SEMA4D: variants seen among roughly 807,000 people sequenced by gnomAD.
The protein encoded by SEMA4D is semaphorin 4D.
Under a neutral mutation model 74.8 loss-of-function variants are expected in SEMA4D, and 22 were observed. That is an observed-to-expected ratio of 0.29 (90% CI 0.21 to 0.42). SEMA4D has a LOEUF of 0.42. SEMA4D is among the 10% of genes least tolerant of loss of function. SEMA4D has a pLI of 1.00. For synonymous variants in SEMA4D, 445 were observed against 463.7 expected (o/e 0.96, Z 0.52); for missense variants, 937 against 1,118.4 (o/e 0.84, Z 2.31).
At position 89,384,720 on chromosome 9, in the gene SEMA4D, C is replaced by T. The variant is rs113835414; in HGVS notation, c.1446+1647G>A. 8.7e-3 allele frequency: 8,607 copies of T among 985,428 alleles called. 62 individuals carry two copies. Among genetic ancestry groups the T allele is most frequent in the South Asian group, 0.028 (603 of 21,286 alleles). The allele number at this position is 985,428 out of a possible 1,614,324, so 61.0% of individuals were successfully genotyped here. ...AGAGGAGGTGAGGGTGGAGGCACAG[C>T]GCACCTCCCCAGCTGTAGGACAGGG... is the stretch of plus-strand genomic sequence containing the variant. On this transcript the variant is annotated intron_variant, in intron 13 of 15. Coordinates refer to ENST00000422704, the MANE Select transcript of SEMA4D (RefSeq NM_001371194.2).
Position 89,379,247 on chromosome 9 carries a change from G to A in SEMA4D, c.2046C>T (p.Pro682=). Reference sequence around the variant, plus strand: ...AGGTGGCCTGCACGGCTGGGGTTGGGGGAGAAGACCCTTGGGTGGATGCCA... The same window carrying A: ...AGGTGGCCTGCACGGCTGGGGTTGGAGGAGAAGACCCTTGGGTGGATGCCA... ...VLVASTQGSS[P]PTPAVQATSS... Residue 682 remains proline, a synonymous_variant, in exon 16 of 16, where the codon CCC becomes CCT. Coordinates refer to ENST00000422704, the MANE Select transcript of SEMA4D (RefSeq NM_001371194.2). The A allele has an allele frequency of 1.2e-6, 2 of 1,614,094 alleles. 1 individual carries two copies. Among genetic ancestry groups the A allele is most frequent in the South Asian group, 2.2e-5 (2 of 91,072 alleles).
rs976250681 is a variant in SEMA4D at position 89,385,959 on chromosome 9, C to T, written c.1446+408G>A. ...GGTGGAGACAGCTTTACAGATGAGA[C>T]GAACCACTTCTCTTGTGGATTTTCC... On this transcript the variant is annotated intron_variant, in intron 13 of 15. Transcript: ENST00000422704. 27 of 977,830 alleles carry T rather than the reference C, an allele frequency of 2.8e-5. No individual in the cohort carries two copies. The Admixed American group carries it at 4.1e-4, about 15-fold the overall frequency. 60.6% of individuals were successfully genotyped at this position (977,830 alleles called of 1,614,324 possible).
chr9:89,482,854 G>A (rs1270303865), intron 1 of SEMA4D, among the ~76,000 whole-genome samples: 2 of 152,156 alleles, frequency 1.3e-5, no homozygotes, highest in African/African-American at 2.4e-5. Flanking sequence ...CATTTCCACC[G>A]CGAGACATCT....
chr9:89,480,627 G>T (rs1035979698), intron 1 of SEMA4D, among the ~76,000 whole-genome samples: 1 of 152,214 alleles, frequency 6.6e-6, no homozygotes, highest in Non-Finnish European at 1.5e-5. Flanking sequence ...CACTGCTGGG[G>T]GACTCAGTAC....
intron 1 of SEMA4D, among the ~76,000 whole-genome samples, chr9:89,495,704 G>C (rs964991779): frequency 6.6e-6 from 1 of 152,110 alleles, no homozygotes; most frequent in East Asian, 1.9e-4. Context: ...ATATTTTCAC[G>C]TGGCAAGTTT....
chr9:89,363,401 CCTTT>C (rs762557165), intron 18 of SEMA4D: 20 of 1,607,614 alleles, frequency 1.2e-5, no homozygotes, highest in South Asian at 1.1e-4. Flanking sequence ...CTCCAGCCCT[CCTTT>C]CTTTGCCCGG....
chr9:89,407,552 T>C (rs1843578667), intron 2 of SEMA4D, among the ~76,000 whole-genome samples: 1 of 152,188 alleles, frequency 6.6e-6, no homozygotes, highest in South Asian at 2.1e-4. Context: ...ACAACCTCCC[T>C]CCAGTCCACT....
intron 1 of SEMA4D, among the ~76,000 whole-genome samples, chr9:89,466,115 C>T (rs1660715286): frequency 6.6e-6 from 1 of 152,090 alleles, no homozygotes. Context: ...ACAGGGTGCA[C>T]GCCAGGCAGT....
At chr9:89,400,557 A>G (rs1389725154) in intron 4 of SEMA4D, among the ~76,000 whole-genome samples, 1 of 152,216 alleles carries the variant, frequency 6.6e-6, no homozygotes, top group Non-Finnish European at 1.5e-5. Context: ...CCCAGGCTGC[A>G]GACACAGTAC....
downstream of SEMA4D, among the ~76,000 whole-genome samples, chr9:89,376,211 C>T (rs553035096): frequency 2.6e-5 from 4 of 152,308 alleles, no homozygotes; most frequent in African/African-American, 4.8e-5. Context: ...CCAAATACCA[C>T]GTATATCAAC....
intron 2 of SEMA4D, chr9:89,418,198 G>T: frequency 2.6e-6 from 2 of 766,018 alleles, no homozygotes; most frequent in Non-Finnish European, 3.2e-6. Flanking sequence ...TCCTAGAAAG[G>T]CACTGAAAAC....
chr9:89,418,582 T>C (rs1263879906), intron 2 of SEMA4D: 2 of 254,964 alleles, frequency 7.8e-6, no homozygotes, highest in African/African-American at 4.6e-5. Context: ...TCTTCCTTTA[T>C]TTTTGGATGG....
chr9:89,438,740 A>G (rs1197276506), intron 2 of SEMA4D, among the ~76,000 whole-genome samples: 2 of 151,326 alleles, frequency 1.3e-5, no homozygotes, highest in African/African-American at 4.9e-5. Flanking sequence ...ATCTCGGCTC[A>G]CTGCAAGCTC....
intron 1 of SEMA4D, among the ~76,000 whole-genome samples, chr9:89,485,683 G>A (rs1588190042): frequency 6.6e-6 from 1 of 151,276 alleles, no homozygotes; most frequent in Non-Finnish European, 1.5e-5. Flanking sequence ...AGCTACTTGG[G>A]AGGCTGAGGC....
rs1213060021 is a variant in SEMA4D at position 89,387,612 on chromosome 9, C to T, written c.1108-4G>A. ...CCCGTGCCTCGCTGTCGATGCACTG[C>T]AGGGAGAAAATCCCCGCTGTTAACG... On this transcript the variant is annotated splice_region_variant and splice_polypyrimidine_tract_variant and intron_variant, in intron 11 of 15. Coordinates refer to ENST00000422704, the MANE Select transcript of SEMA4D (RefSeq NM_001371194.2). 1 of 1,613,348 alleles carries T rather than the reference C, an allele frequency of 6.2e-7. No homozygotes were observed. The highest frequency in any genetic ancestry group is 2.2e-5 in the East Asian group (1 of 44,894).
intron 2 of SEMA4D, among the ~76,000 whole-genome samples, chr9:89,424,043 A>C: frequency 8.1e-6 from 1 of 123,566 alleles, no homozygotes; most frequent in South Asian, 2.6e-4. Flanking sequence ...TCCCTCAGCT[A>C]CTCCCTCAGC....
At chr9:89,459,836 C>T (rs1856812338) in intron 1 of SEMA4D, among the ~76,000 whole-genome samples, 1 of 152,214 alleles carries the variant, frequency 6.6e-6, no homozygotes, top group African/African-American at 2.4e-5. Flanking sequence ...ATGTGGCTAA[C>T]ACGAGGGAGC....
intron 1 of SEMA4D, among the ~76,000 whole-genome samples, chr9:89,485,717 G>C (rs1057363600): frequency 9.1e-5 from 13 of 142,216 alleles, no homozygotes; most frequent in Admixed American, 2.3e-4. Flanking sequence ...GAACTTGGGA[G>C]GCAGAGGTTG....
At chr9:89,367,597 T>C (rs954388861) in intron 16 of SEMA4D, 1 of 152,290 alleles carries the variant, frequency 6.6e-6, no homozygotes, top group African/African-American at 2.4e-5. Flanking sequence ...GAAGTTGTTG[T>C]GGCTTACAAG....
Sources: gnomAD v4.1 joint callset for allele counts (sites outside exome capture counted in the v4.1 genomes callset) on GRCh38, gnomAD v4.1.1 for gene constraint, MANE v1.5 for transcripts, NCBI Gene and HGNC (gene_info 2026-07-23, HGNC 2026-07-21) for gene names.